The following DCT variants were observed in gnomAD, a reference collection of about 807,000 sequenced individuals.
The protein encoded by DCT is dopachrome tautomerase, also known as L-dopachrome tautomerase.
In DCT, 47 loss-of-function variants were observed where a neutral mutation model predicts 53.0. That is an observed-to-expected ratio of 0.89 (90% CI 0.70 to 1.13). The LOEUF (loss-of-function observed/expected upper bound fraction) is 1.13. Among genes scored for constraint, DCT ranks in the 50% most tolerant of loss-of-function variants. DCT has a pLI of 0.00. For missense variants in DCT, 669 were observed against 637.4 expected (o/e 1.05, Z -0.53); for synonymous variants, 244 against 237.0 (o/e 1.03, Z -0.27).
In DCT at chr13:94,465,681, A is replaced by G; in HGVS notation, c.815T>C (p.Leu272Pro). 3 of 1,613,662 alleles carry G rather than the reference A, an allele frequency of 1.9e-6. No individual in the cohort carries two copies. Among genetic ancestry groups the G allele is most frequent in the Non-Finnish European group, 2.5e-6 (3 of 1,179,868 alleles). Reference protein sequence around the residue: ...FGAARPDDPTLISRNSRFSSW... With the variant: ...FGAARPDDPTPISRNSRFSSW... Reference sequence around the variant, plus strand: ...GGAGAATCTTGAGTTCCGACTAATCAGAGTCGGATCGTCTGGTCTCGCTGC... The same window carrying G: ...GGAGAATCTTGAGTTCCGACTAATCGGAGTCGGATCGTCTGGTCTCGCTGC... Residue 272 changes from leucine (L) to proline (P), a missense_variant, in exon 4 of 8, where the codon CTG becomes CCG. Transcript: ENST00000377028.
rs2139263394 is a variant in DCT at position 94,439,623 on chromosome 13, A to C, written c.*275T>G. Reference sequence around the variant, plus strand: ...CAGAAAAGGAGGAGGCTTAATCAATATTGGGGGGGGGGTTATTATTAGATA... The same window carrying C: ...CAGAAAAGGAGGAGGCTTAATCAATCTTGGGGGGGGGGTTATTATTAGATA... On this transcript the variant is annotated 3_prime_UTR_variant, in exon 8 of 8. Coordinates refer to ENST00000377028, the MANE Select transcript of DCT (RefSeq NM_001922.5). The C allele has an allele frequency of 5.1e-6, 1 of 197,636 alleles. No individual in the cohort carries two copies. 12.2% of individuals were successfully genotyped at this position (197,636 alleles called of 1,614,324 possible).
At chr13:94,546,382 C>T in the DCT span, among the ~76,000 whole-genome samples, 1 of 152,156 alleles carries the variant, frequency 6.6e-6, no homozygotes, top group Admixed American at 6.5e-5. This position sits in a 1 kb window ranked among gnomAD's most constrained non-coding sequence, Gnocchi z 4.2. Context: ...TTAAAATGCC[C>T]AGTCACCTCT....
chr13:94,499,034 G>T, the DCT span, among the ~76,000 whole-genome samples: 3 of 152,146 alleles, frequency 2.0e-5, no homozygotes, highest in African/African-American at 7.2e-5. Flanking sequence ...ATAAAAGCTG[G>T]CCACCCCAGC....
At chr13:94,490,750 T>A in the DCT span, among the ~76,000 whole-genome samples, 1 of 142,306 alleles carries the variant, frequency 7.0e-6, no homozygotes, top group Non-Finnish European at 1.6e-5. Context: ...TAAATTTTGT[T>A]GTAATGAATT....
chr13:94,457,579 G>T (rs1351935338), intron 6 of DCT, among the ~76,000 whole-genome samples: 3 of 152,192 alleles, frequency 2.0e-5, no homozygotes, highest in Non-Finnish European at 4.4e-5. Flanking sequence ...ACATTAAGGT[G>T]AGGAAAATTC....
At chr13:94,484,989 C>T in the DCT span, among the ~76,000 whole-genome samples, 30 of 152,230 alleles carry the variant, frequency 2.0e-4, no homozygotes, top group African/African-American at 6.7e-4. Context: ...TGCCTTTGTC[C>T]TAACTACACA....
chr13:94,522,461 C>T, the DCT span, among the ~76,000 whole-genome samples: 1 of 152,050 alleles, frequency 6.6e-6, no homozygotes, highest in Non-Finnish European at 1.5e-5. Context: ...TATTGTGGGA[C>T]CTTGTGCTCA....
intron 6 of DCT, among the ~76,000 whole-genome samples, chr13:94,450,726 CAT>C (rs1486561508): frequency 6.6e-6 from 1 of 152,144 alleles, no homozygotes; most frequent in Non-Finnish European, 1.5e-5. Context: ...ACCAGTTCAA[CAT>C]GCATCATAAG....
the DCT span, among the ~76,000 whole-genome samples, chr13:94,521,777 C>T: frequency 0.4 from 61,350 of 152,064 alleles, 13,143 homozygotes; most frequent in East Asian, 0.62. Flanking sequence ...AACCATAAGA[C>T]TCACTCATTT....
chr13:94,518,159 AAG>A, the DCT span, among the ~76,000 whole-genome samples: 9,828 of 144,792 alleles, frequency 0.068, 436 homozygotes, highest in Middle Eastern at 0.12. Context: ...GGAAGGAATG[AAG>A]GAAGGAAGGA....
rs949580198 is a variant in DCT, at chr13:94,479,303, C to G, written c.-48G>C. On this transcript the variant is annotated 5_prime_UTR_variant, in exon 1 of 8. Transcript: ENST00000377028. Reference sequence around the variant, plus strand: ...TCTCTCTCTCTTACTTTCCTTGTCTCTGTCGTACTTTTCTCCTTATCTTCT... The same window carrying G: ...TCTCTCTCTCTTACTTTCCTTGTCTGTGTCGTACTTTTCTCCTTATCTTCT... 6.8e-7 allele frequency: 1 copy of G among 1,462,468 alleles called. No individual in the cohort carries two copies. Among genetic ancestry groups the G allele is most frequent in the African/African-American group, 1.4e-5 (1 of 70,628 alleles). 90.6% of individuals were successfully genotyped at this position (1,462,468 alleles called of 1,614,324 possible).
the DCT span, among the ~76,000 whole-genome samples, chr13:94,540,030 T>A: frequency 1.3e-5 from 2 of 152,198 alleles, no homozygotes; most frequent in Non-Finnish European, 2.9e-5. Flanking sequence ...GAGGGGAACT[T>A]AGAGCTACAG....
chr13:94,456,551 T>C (rs1356227011), intron 6 of DCT, among the ~76,000 whole-genome samples: 1 of 152,236 alleles, frequency 6.6e-6, no homozygotes, highest in East Asian at 1.9e-4. Flanking sequence ...ACCTAACATA[T>C]GGTTCTCTAA....
the DCT span, among the ~76,000 whole-genome samples, chr13:94,511,226 C>G: frequency 6.6e-6 from 1 of 152,138 alleles, no homozygotes; most frequent in Non-Finnish European, 1.5e-5. Context: ...ACTGCCCTGC[C>G]CCTCCAGCTA....
chr13:94,487,844 G>A, the DCT span, among the ~76,000 whole-genome samples: 1 of 151,858 alleles, frequency 6.6e-6, no homozygotes, highest in Non-Finnish European at 1.5e-5. Context: ...CATCTGTCCT[G>A]ATAAGAGTTT....
the DCT span, among the ~76,000 whole-genome samples, chr13:94,535,253 A>G: frequency 6.6e-6 from 1 of 152,196 alleles, no homozygotes; most frequent in South Asian, 2.1e-4. Context: ...TGTATCACAG[A>G]GTTTCACGGT....
chr13:94,517,841 T>G, the DCT span, among the ~76,000 whole-genome samples: 6 of 152,142 alleles, frequency 3.9e-5, no homozygotes, highest in Admixed American at 6.5e-5. Context: ...ATTTAAAAAT[T>G]TTTTAAAGAA....
chr13:94,466,507 C>T, intron 3 of DCT, 51 bp downstream of exon 3: 4 of 1,201,086 alleles, frequency 3.3e-6, no homozygotes, highest in South Asian at 3.0e-5. Context: ...TAAATATATA[C>T]AATAAATTTT....
chr13:94,503,514 A>G, the DCT span, among the ~76,000 whole-genome samples: 6 of 152,120 alleles, frequency 3.9e-5, no homozygotes, highest in African/African-American at 1.4e-4. Context: ...ACAGTCCTGG[A>G]TTTAGGGTGG....
Sources: gnomAD v4.1 joint callset for allele counts (sites outside exome capture counted in the v4.1 genomes callset) on GRCh38, gnomAD v4.1.1 for gene constraint, Gnocchi (gnomAD v3.1) non-coding constraint, MANE v1.5 for transcripts, NCBI Gene and HGNC (gene_info 2026-07-23, HGNC 2026-07-21) for gene names.